BSPRY: variants seen among roughly 807,000 people sequenced by gnomAD.
BSPRY encodes B box and SPRY domain-containing protein.
A neutral mutation model predicts 38.0 loss-of-function variants in BSPRY; 33 were observed. The ratio of observed to expected loss-of-function variants is 0.87; its 90% CI spans 0.66 to 1.16. The LOEUF (loss-of-function observed/expected upper bound fraction) is 1.16, where lower values mean the gene tolerates loss of function less well. BSPRY is among the 50% of genes most tolerant of loss of function. BSPRY has a pLI of 0.00. For synonymous variants in BSPRY, 224 were observed against 228.5 expected (o/e 0.98, Z 0.18); for missense variants, 523 against 533.2 (o/e 0.98, Z 0.19).
intron 2 of BSPRY, among the ~76,000 whole-genome samples, chr9:113,360,207 T>A (rs752758): frequency 0.29 from 44,692 of 152,050 alleles, 7,698 homozygotes; most frequent in African/African-American, 0.47. Context: ...CAACTGTGAT[T>A]AAGCAGAGTA....
In BSPRY at chr9:113,369,744, C is replaced by T. The variant is rs375409553; in HGVS notation, c.811C>T (p.His271Tyr). 26 of 1,614,116 alleles carry T rather than the reference C, an allele frequency of 1.6e-5. No individual in the cohort carries two copies. Among genetic ancestry groups the T allele is most frequent in the Non-Finnish European group, 2.2e-5 (26 of 1,180,040 alleles). The change falls in exon 6 of 6, where the codon CAC (histidine) becomes TAC (tyrosine). Residue 271 changes from histidine (H) to tyrosine (Y), a missense_variant. Transcript: ENST00000374183. ...ACADGPERFDHWPNALAATSF... is the reference protein window; with the variant it reads ...ACADGPERFDYWPNALAATSF... ...TGCAGATGGCCCGGAGCGCTTCGAC[C>T]ACTGGCCCAATGCCCTGGCTGCCAC...
intron 2 of BSPRY, among the ~76,000 whole-genome samples, chr9:113,358,194 G>A (rs1834094462): frequency 6.6e-6 from 1 of 151,156 alleles, no homozygotes; most frequent in South Asian, 2.1e-4. Context: ...GCTGCAGTGA[G>A]CTATGATTGC....
chr9:113,354,346 C>A lies in BSPRY; in HGVS notation c.300+8C>A, dbSNP rs10981763. 0.1 allele frequency: 167,026 copies of A among 1,610,904 alleles called. 9,209 individuals carry two copies. The highest frequency in any genetic ancestry group is 0.11 in the Non-Finnish European group (129,545 of 1,177,360). On this transcript the variant is annotated splice_region_variant and intron_variant, in intron 2 of 5. Coordinates refer to ENST00000374183, the MANE Select transcript of BSPRY (RefSeq NM_017688.3). ...AAGAATCAAAGAGCAGTGGTAATTC[C>A]TCTTCTTTCCTCTCTACTCAGCCCC...
rs566203084 is a variant in BSPRY, at chr9:113,352,697, T to A, written c.202-1543T>A. ...GTCATTGTGAGTGTACTGAAAGCCA[T>A]TGGAGGGTTTTGAGTAGGGGCATGA... On this transcript the variant is annotated intron_variant, in intron 1 of 5. Transcript: ENST00000374183. Among the ~76,000 whole-genome samples, 3 of 152,204 alleles carry A rather than the reference T, an allele frequency of 2.0e-5. No homozygotes were observed. In the South Asian group the frequency reaches 6.2e-4, roughly 32 times the overall value.
rs557164626 is a variant in BSPRY, at chr9:113,354,308, C to T, written c.270C>T (p.Asp90=). Residue 90 remains aspartate, a synonymous_variant, in exon 2 of 6, where the codon GAC becomes GAT. Transcript: ENST00000374183. ...CTGCCATCACCAAGTATGTGGCGGA[C>T]GTCCTGCCGGGGAAGAATCAAAGAG... ...QSAAITKYVA[D]VLPGKNQRAV... The T allele has an allele frequency of 3.1e-4, 497 of 1,614,080 alleles. 1 individual carries two copies. Among genetic ancestry groups the T allele is most frequent in the Non-Finnish European group, 4.0e-4 (474 of 1,179,980 alleles).
chr9:113,359,563 C>A (rs896280878), intron 2 of BSPRY, among the ~76,000 whole-genome samples: 1 of 152,066 alleles, frequency 6.6e-6, no homozygotes, highest in African/African-American at 2.4e-5. Flanking sequence ...ACTTGTCTGG[C>A]AAGAGTACAA....
intron 1 of BSPRY, among the ~76,000 whole-genome samples, chr9:113,351,637 T>C (rs78976219): frequency 0.024 from 3,721 of 152,224 alleles, 128 homozygotes; most frequent in African/African-American, 0.075. Flanking sequence ...GCAGAACTCT[T>C]AGGGGGAACA....
rs2118906123 is a variant in BSPRY at position 113,354,257 on chromosome 9, G to A, written c.219G>A (p.Gln73=). ...TGTTGCAGAACAAGATTGTGGACCA[G>A]TGTGAGAGGCTGCAGTTACAGAGTG... is the stretch of plus-strand genomic sequence containing the variant. ...AEELRNKIVD[Q]CERLQLQSAA... The change falls in exon 2 of 6, where the codon CAG becomes CAA. Residue 73 remains glutamine (Q), a synonymous_variant. Coordinates refer to ENST00000374183, the MANE Select transcript of BSPRY (RefSeq NM_017688.3). The A allele has an allele frequency of 1.9e-6, 3 of 1,614,204 alleles. No individual in the cohort carries two copies. Among genetic ancestry groups the A allele is most frequent in the South Asian group, 1.1e-5 (1 of 91,086 alleles).
chr9:113,359,363 T>A (rs1195218472), intron 2 of BSPRY, among the ~76,000 whole-genome samples: 2 of 152,238 alleles, frequency 1.3e-5, no homozygotes, highest in African/African-American at 2.4e-5. Flanking sequence ...GAGTCTTACC[T>A]TCTGGGTTCA....
chr9:113,369,583 G>T, intron 5 of BSPRY, 33 bp from the exon 6 acceptor site: 1 of 1,573,794 alleles, frequency 6.4e-7, no homozygotes, highest in Non-Finnish European at 8.6e-7. Context: ...GCAGGGGTGG[G>T]CCCTCGGCAA....
intron 2 of BSPRY, among the ~76,000 whole-genome samples, chr9:113,358,857 G>A (rs1189968132): frequency 6.6e-6 from 1 of 152,046 alleles, no homozygotes; most frequent in Non-Finnish European, 1.5e-5. Context: ...GCATTAAAGT[G>A]GGATAAACAG....
At chr9:113,357,309 C>A (rs143811413) in intron 2 of BSPRY, among the ~76,000 whole-genome samples, 2 of 152,308 alleles carry the variant, frequency 1.3e-5, no homozygotes, top group Admixed American at 1.3e-4. Context: ...AATTAAAATA[C>A]AGAACAGTTC....
intron 1 of BSPRY, 25 bp downstream of exon 1, chr9:113,349,805 G>T: frequency 1.6e-6 from 2 of 1,222,508 alleles, no homozygotes; most frequent in Non-Finnish European, 2.0e-6. Flanking sequence ...GCGCCGGAAG[G>T]CGAGGGCTCC....
chr9:113,349,606 G>GCCGGGGTCCGGGTCCGGGC lies in BSPRY; in HGVS notation c.33_51dup (p.Pro18ValfsTer64), dbSNP rs1390648822. 1 of 1,189,662 alleles carries GCCGGGGTCCGGGTCCGGGC rather than the reference G, an allele frequency of 8.4e-7. No individual in the cohort carries two copies. The highest frequency in any genetic ancestry group is 1.0e-6 in the Non-Finnish European group (1 of 961,266). 73.7% of individuals were successfully genotyped at this position (1,189,662 alleles called of 1,614,324 possible). On this transcript the variant is annotated frameshift_variant, in exon 1 of 6. Transcript: ENST00000374183. LOFTEE classifies it high-confidence loss of function. ...TGTCCGCCGAGGGCGCGGAGCCGGG[G>GCCGGGGTCCGGGTCCGGGC]CCGGGGTCCGGGTCCGGGCCCGGGC...
At chr9:113,353,489 G>A (rs927464845) in intron 1 of BSPRY, among the ~76,000 whole-genome samples, 1 of 152,140 alleles carries the variant, frequency 6.6e-6, no homozygotes, top group African/African-American at 2.4e-5. Flanking sequence ...GATCACCTGA[G>A]GTCTGGAGTT....
chr9:113,361,054 T>G (rs960414215), intron 3 of BSPRY, among the ~76,000 whole-genome samples: 8 of 152,202 alleles, frequency 5.3e-5, no homozygotes, highest in African/African-American at 1.4e-4. Flanking sequence ...CCCTAGGTGA[T>G]GTCTGATCAC....
At chr9:113,369,076 G>A (rs1357853087) in intron 5 of BSPRY, among the ~76,000 whole-genome samples, 1 of 150,910 alleles carries the variant, frequency 6.6e-6, no homozygotes, top group Non-Finnish European at 1.5e-5. Context: ...TCTAGATTCT[G>A]GTATCAAATG....
intron 4 of BSPRY, among the ~76,000 whole-genome samples, chr9:113,367,783 T>C (rs1390144001): frequency 1.3e-5 from 2 of 151,532 alleles, no homozygotes; most frequent in Non-Finnish European, 2.9e-5. Context: ...ACAGGGGAAA[T>C]GGCCACCTTC....
At chr9:113,360,760 C>T (rs1397754112) in intron 3 of BSPRY, 23 bp downstream of exon 3, 2 of 1,543,610 alleles carry the variant, frequency 1.3e-6, no homozygotes, top group African/African-American at 1.4e-5. Context: ...AGGGTGAGGG[C>T]ATGACCAGTT....
Sources: gnomAD v4.1 joint callset for allele counts (sites outside exome capture counted in the v4.1 genomes callset) on GRCh38, gnomAD v4.1.1 for gene constraint, MANE v1.5 for transcripts, NCBI Gene and HGNC (gene_info 2026-07-23, HGNC 2026-07-21) for gene names.